The following IFFO2 variants were observed in gnomAD, a reference collection of about 807,000 sequenced individuals.
IFFO2 encodes intermediate filament family orphan 2.
In IFFO2, 19 loss-of-function variants were observed where a neutral mutation model predicts 53.5. The observed-to-expected ratio is 0.36, with a 90% CI of 0.25 to 0.52. The LOEUF (loss-of-function observed/expected upper bound fraction) is 0.52, where lower values mean the gene tolerates loss of function less well. Among genes scored for constraint, IFFO2 ranks in the 20% least tolerant of loss-of-function variants. The pLI is 0.94. For synonymous variants in IFFO2, 303 were observed against 313.6 expected (o/e 0.97, Z 0.36); for missense variants, 570 against 727.4 (o/e 0.78, Z 2.49).
intron 1 of IFFO2, among the ~76,000 whole-genome samples, chr1:18,939,835 A>G (rs1936498068): frequency 6.6e-6 from 1 of 152,176 alleles, no homozygotes; most frequent in Admixed American, 6.5e-5. Flanking sequence ...CCCAATGGAA[A>G]AGGCCACAAG....
At chr1:18,944,111 C>T (rs1936556028) in intron 1 of IFFO2, among the ~76,000 whole-genome samples, 1 of 152,224 alleles carries the variant, frequency 6.6e-6, no homozygotes, top group South Asian at 2.1e-4. Flanking sequence ...AGCTGCTCTC[C>T]TTCGCTGGGC....
chr1:18,944,386 G>A (rs1008860925), intron 1 of IFFO2, among the ~76,000 whole-genome samples: 3 of 152,120 alleles, frequency 2.0e-5, no homozygotes, highest in Admixed American at 6.5e-5. Context: ...ATCGGGGGCC[G>A]GGGCGGGGAG....
At chr1:18,914,778 G>A (rs868429672) in intron 5 of IFFO2, among the ~76,000 whole-genome samples, 27 of 137,664 alleles carry the variant, frequency 2.0e-4, no homozygotes, top group African/African-American at 2.5e-4. Context: ...AGCTGAGATC[G>A]CACCACCACA....
At chr1:18,913,959 G>A (rs966329513) in intron 5 of IFFO2, among the ~76,000 whole-genome samples, 14 of 147,338 alleles carry the variant, frequency 9.5e-5, no homozygotes, top group African/African-American at 2.9e-4. Context: ...AGCCTCCTGC[G>A]TAGCTGGGAC....
At chr1:18,913,823 GTTTTTTTGT>G (rs1444586434) in intron 5 of IFFO2, among the ~76,000 whole-genome samples, 1 of 151,026 alleles carries the variant, frequency 6.6e-6, no homozygotes, top group African/African-American at 2.5e-5. Flanking sequence ...TGTTGTTGTT[GTTTTTTTGT>G]TTGTTTGTTT....
intron 1 of IFFO2, among the ~76,000 whole-genome samples, chr1:18,929,646 T>C (rs1021793063): frequency 3.9e-5 from 2 of 50,904 alleles, no homozygotes; most frequent in African/African-American, 2.0e-4. Flanking sequence ...GTCTCTGGGC[T>C]CTCTGTGGTG....
intron 6 of IFFO2, 142 bp downstream of exon 6, chr1:18,911,821 G>A: frequency 3.7e-6 from 4 of 1,083,058 alleles, no homozygotes; most frequent in Admixed American, 2.5e-5. Flanking sequence ...TTACAGGCAT[G>A]AGCCACTGCG....
At chr1:18,924,829 C>T (rs1936259609) in intron 1 of IFFO2, among the ~76,000 whole-genome samples, 1 of 152,214 alleles carries the variant, frequency 6.6e-6, no homozygotes, top group South Asian at 2.1e-4. Flanking sequence ...TATTGACAGG[C>T]CTGCCACTGG....
At position 18,906,039 on chromosome 1, in the gene IFFO2, A is replaced by C. The variant is rs1395820091; in HGVS notation, c.*2522T>G. 6.6e-6 allele frequency: 1 copy of C among 152,288 alleles called. No individual in the cohort carries two copies. The highest frequency in any genetic ancestry group is 2.4e-5 in the African/African-American group (1 of 41,406). The allele number at this position is 152,288 out of a possible 1,614,324, so 9.4% of individuals were successfully genotyped here. On this transcript the variant is annotated 3_prime_UTR_variant, in exon 9 of 9. Transcript: ENST00000455833. ...GCAGGGCCCACTGACATTAACTGAAAAAAGCATGTGGTGGAGAGGCAGGCA... is the reference window on the plus strand; with the variant it reads ...GCAGGGCCCACTGACATTAACTGAACAAAGCATGTGGTGGAGAGGCAGGCA...
rs530835663 is a variant in IFFO2 at position 18,917,984 on chromosome 1, G to A, written c.963+378C>T. 1.6e-4 allele frequency among the ~76,000 whole-genome samples: 25 copies of A among 152,348 alleles called. No homozygotes were observed. In the East Asian group the frequency reaches 1.9e-3, roughly 12 times the overall value. On this transcript the variant is annotated intron_variant, in intron 4 of 8. Coordinates refer to ENST00000455833, the MANE Select transcript of IFFO2 (RefSeq NM_001136265.2). The surrounding 1 kb of genome is among the most constrained non-coding windows in gnomAD (Gnocchi z 5.9). ...ATAACCTGGCCAGGGTTCCCCAACC[G>A]TGGGGATGATGCCCAGTTCTGGCAC...
chr1:18,934,082 T>TTTTTTTTTTA (rs1284312161), intron 1 of IFFO2, among the ~76,000 whole-genome samples: 1 of 142,054 alleles, frequency 7.0e-6, no homozygotes, highest in Non-Finnish European at 1.5e-5. Flanking sequence ...TTTTTTTTTT[T>TTTTTTTTTTA]TTGAGACAGC....
rs140102833 is a variant in IFFO2, at chr1:18,909,382, A to G, written c.1449-716T>C. On this transcript the variant is annotated intron_variant, in intron 8 of 8. Coordinates refer to ENST00000455833, the MANE Select transcript of IFFO2 (RefSeq NM_001136265.2). ...TCTTTGAAGGCAGGGGCTCTGCTTT[A>G]TGTGCCATGCCTGACACTTGTCAGT... 5.5e-3 allele frequency among the ~76,000 whole-genome samples: 835 copies of G among 152,136 alleles called. 3 individuals are homozygous for G. Among genetic ancestry groups the G allele is most frequent in the Non-Finnish European group, 8.6e-3 (586 of 67,984 alleles).
At chr1:18,951,202 G>T (rs1936655519) in intron 1 of IFFO2, among the ~76,000 whole-genome samples, 1 of 152,176 alleles carries the variant, frequency 6.6e-6, no homozygotes, top group Non-Finnish European at 1.5e-5. Flanking sequence ...GAGGCATGGA[G>T]CTATGGTGGG....
intron 1 of IFFO2, among the ~76,000 whole-genome samples, chr1:18,932,450 C>A (rs1032572094): frequency 1.3e-5 from 2 of 152,238 alleles, no homozygotes; most frequent in African/African-American, 4.8e-5. Context: ...CCCCCCCAGA[C>A]TGGGATGCCA....
intron 1 of IFFO2, among the ~76,000 whole-genome samples, chr1:18,940,304 A>AGACCTGACTT (rs1553158748): frequency 3.3e-5 from 5 of 152,226 alleles, no homozygotes. Flanking sequence ...TGGGACCTAC[A>AGACCTGACTT]GACCTGACTT....
intron 1 of IFFO2, among the ~76,000 whole-genome samples, chr1:18,943,316 G>A (rs941451702): frequency 1.3e-5 from 2 of 152,162 alleles, no homozygotes; most frequent in Non-Finnish European, 2.9e-5. Context: ...GGAGTTGAAG[G>A]ATGCAGCAAG....
rs956209643 is a variant in IFFO2, at chr1:18,906,966, G to C, written c.*1595C>G. 3 of 152,154 alleles carry C rather than the reference G, an allele frequency of 2.0e-5. No homozygotes were observed. Among genetic ancestry groups the C allele is most frequent in the African/African-American group, 7.2e-5 (3 of 41,418 alleles). 9.4% of individuals were successfully genotyped at this position (152,154 alleles called of 1,614,324 possible). ...GTATTTTTAAGACTGTAACACAGGTGGGGGAAACAGAAAAGAGAGAAGAGC... is the reference window on the plus strand; with the variant it reads ...GTATTTTTAAGACTGTAACACAGGTCGGGGAAACAGAAAAGAGAGAAGAGC... On this transcript the variant is annotated 3_prime_UTR_variant, in exon 9 of 9. Coordinates refer to ENST00000455833, the MANE Select transcript of IFFO2 (RefSeq NM_001136265.2).
rs764624451 is a variant in IFFO2 at position 18,947,062 on chromosome 1, T to TGG, written c.665+8604_665+8605dup. ...TTCTGAGTTCTCGAGGGCAGGGGCC[T>TGG]GGCCCACGGTGGGTACTCAGCCACT... On this transcript the variant is annotated intron_variant, in intron 1 of 8. Coordinates refer to ENST00000455833, the MANE Select transcript of IFFO2 (RefSeq NM_001136265.2). This position sits in a 1 kb window ranked among gnomAD's most constrained non-coding sequence, Gnocchi z 5.0. Among the ~76,000 whole-genome samples, 20 of 152,228 alleles carry TGG rather than the reference T, an allele frequency of 1.3e-4. No homozygotes were observed. Among genetic ancestry groups the TGG allele is most frequent in the Non-Finnish European group, 2.5e-4 (17 of 68,040 alleles).
intron 8 of IFFO2, among the ~76,000 whole-genome samples, 196 bp from the exon 9 acceptor site, chr1:18,908,862 T>C (rs944548338): frequency 1.3e-5 from 2 of 152,200 alleles, no homozygotes; most frequent in African/African-American, 4.8e-5. Flanking sequence ...CCCTACTTGG[T>C]CTGGCTGTGT....
Sources: gnomAD v4.1 joint callset for allele counts (sites outside exome capture counted in the v4.1 genomes callset) on GRCh38, gnomAD v4.1.1 for gene constraint, Gnocchi (gnomAD v3.1) non-coding constraint, MANE v1.5 for transcripts, NCBI Gene and HGNC (gene_info 2026-07-23, HGNC 2026-07-21) for gene names.